AJAP1: variants seen among roughly 807,000 people sequenced by gnomAD.
AJAP1 encodes adherens junctions associated protein 1.
A neutral mutation model predicts 35.0 loss-of-function variants in AJAP1; 5 were observed. The observed-to-expected ratio is 0.14, with a 90% CI of 0.07 to 0.30. The LOEUF (loss-of-function observed/expected upper bound fraction) is 0.30, where lower values mean the gene tolerates loss of function less well. AJAP1 is among the 10% of genes least tolerant of loss of function. The pLI is 1.00. For synonymous variants in AJAP1, 284 were observed against 249.3 expected (o/e 1.14, Z -1.31); for missense variants, 586 against 571.0 (o/e 1.03, Z -0.27).
chr1:4,765,558 A>G (rs1294344322), intron 2 of AJAP1, among the ~76,000 whole-genome samples: 3 of 150,804 alleles, frequency 2.0e-5, no homozygotes, highest in Non-Finnish European at 4.4e-5. Context: ...CCATTTGCAT[A>G]GTGTGGGAAA....
At chr1:4,777,327 C>T (rs1375204005) in intron 5 of AJAP1, 1 of 152,250 alleles carries the variant, frequency 6.6e-6, no homozygotes, top group Non-Finnish European at 1.5e-5. Context: ...TGTTACCACA[C>T]CATTGTCTTT....
At chr1:4,758,392 A>G (rs545912925) in intron 2 of AJAP1, among the ~76,000 whole-genome samples, 14 of 152,312 alleles carry the variant, frequency 9.2e-5, no homozygotes, top group African/African-American at 3.1e-4. Context: ...AAGAGGTTTC[A>G]TCAACTCACA....
At chr1:4,669,189 A>C (rs1419475499) in intron 1 of AJAP1, among the ~76,000 whole-genome samples, 1 of 152,240 alleles carries the variant, frequency 6.6e-6, no homozygotes, top group Non-Finnish European at 1.5e-5. Context: ...CCTAAAAGGA[A>C]ACTCCATGTC....
At chr1:4,773,856 TG>T (rs1257130057) in intron 4 of AJAP1, among the ~76,000 whole-genome samples, 1 of 151,776 alleles carries the variant, frequency 6.6e-6, no homozygotes, top group Non-Finnish European at 1.5e-5. Context: ...GGAGGTGGGG[TG>T]GGGGGCTGTC....
intron 1 of AJAP1, among the ~76,000 whole-genome samples, chr1:4,701,341 T>A (rs1018854508): frequency 1.3e-5 from 2 of 152,108 alleles, no homozygotes; most frequent in Non-Finnish European, 2.9e-5. Flanking sequence ...GTTACACGGG[T>A]TAGTTTTGCT....
At chr1:4,675,337 C>T (rs934658978) in intron 1 of AJAP1, among the ~76,000 whole-genome samples, 19 of 152,226 alleles carry the variant, frequency 1.2e-4, no homozygotes, top group Non-Finnish European at 1.6e-4. Flanking sequence ...GGAAGACACG[C>T]GTGGGGCAGA....
chr1:4,732,612 C>T (rs1036172391), intron 2 of AJAP1, among the ~76,000 whole-genome samples: 2 of 152,254 alleles, frequency 1.3e-5, no homozygotes, highest in Non-Finnish European at 2.9e-5. Context: ...ATGAGAGTGT[C>T]CCTTGTGCCA....
chr1:4,775,367 T>C (rs1319869373), intron 5 of AJAP1, among the ~76,000 whole-genome samples: 1 of 152,218 alleles, frequency 6.6e-6, no homozygotes, highest in Non-Finnish European at 1.5e-5. Context: ...CTGGGCTTTC[T>C]ACGCATCCTC....
chr1:4,728,913 C>T (rs1640735875), intron 2 of AJAP1, among the ~76,000 whole-genome samples: 1 of 151,970 alleles, frequency 6.6e-6, no homozygotes, highest in Admixed American at 6.5e-5. Flanking sequence ...GGGAGCTCTC[C>T]GGGGCTCCAT....
At chr1:4,772,224 G>A in intron 3 of AJAP1, 56 bp from the exon 4 acceptor site, 2 of 1,604,478 alleles carry the variant, frequency 1.2e-6, no homozygotes, top group Non-Finnish European at 8.5e-7. Context: ...CTGGAGTTGT[G>A]TTTGTGGGTT....
chr1:4,707,383 T>C (rs1042581081), intron 1 of AJAP1, among the ~76,000 whole-genome samples: 2 of 152,098 alleles, frequency 1.3e-5, no homozygotes, highest in Admixed American at 6.5e-5. Context: ...AATTCCAGAA[T>C]ATTTCGTCAC....
At chr1:4,750,004 G>T (rs1641286207) in intron 2 of AJAP1, among the ~76,000 whole-genome samples, 1 of 151,704 alleles carries the variant, frequency 6.6e-6, no homozygotes, top group African/African-American at 2.4e-5. Flanking sequence ...TCATGTCCAT[G>T]TGTTTGTGTG....
Position 4,723,544 on chromosome 1 carries a change from T to A in AJAP1, c.829+10845T>A, listed in dbSNP as rs1640574177. 6.6e-6 allele frequency among the ~76,000 whole-genome samples: 1 copy of A among 151,452 alleles called. No individual in the cohort carries two copies. On this transcript the variant is annotated intron_variant, in intron 2 of 5. Coordinates refer to ENST00000378191, the MANE Select transcript of AJAP1 (RefSeq NM_018836.4). This position sits in a 1 kb window ranked among gnomAD's most constrained non-coding sequence, Gnocchi z 4.3. ...AAGCTGTTCCCAGAGCATGGAGGGG[T>A]CCTCGTGGCGGAGCTCCCAGAGACA...
intron 2 of AJAP1, among the ~76,000 whole-genome samples, chr1:4,766,737 G>T (rs1235860573): frequency 6.6e-6 from 1 of 152,228 alleles, no homozygotes; most frequent in Non-Finnish European, 1.5e-5. Flanking sequence ...GACAGAATGT[G>T]CAGGTGTGTG....
chr1:4,712,581 C>T lies in AJAP1; in HGVS notation c.711C>T (p.Thr237=), dbSNP rs773983737. 6.2e-6 allele frequency: 10 copies of T among 1,608,754 alleles called. No individual in the cohort carries two copies. Among genetic ancestry groups the T allele is most frequent in the Admixed American group, 3.4e-5 (2 of 59,430 alleles). The stretch of plus-strand genomic sequence containing the variant: ...TGACGCTGCAGACTAAGGGGTTCAC[C>T]GAGTCCTTGGATCCCCGGAGAAGGA... The part of the protein sequence containing the change: ...TPMTLQTKGF[T]ESLDPRRRIP... Residue 237 remains threonine, a synonymous_variant, in exon 2 of 6, where the codon ACC becomes ACT. Coordinates refer to ENST00000378191, the MANE Select transcript of AJAP1 (RefSeq NM_018836.4).
chr1:4,663,346 TCCAGAAAGCAC>T (rs1639044230), intron 1 of AJAP1, among the ~76,000 whole-genome samples: 2 of 43,760 alleles, frequency 4.6e-5, no homozygotes, highest in East Asian at 6.4e-4. Flanking sequence ...GGAAAGCACC[TCCAGAAAGCAC>T]GGGTGTTGGT....
At chr1:4,658,423 C>G (rs1638930174) in intron 1 of AJAP1, among the ~76,000 whole-genome samples, 1 of 152,208 alleles carries the variant, frequency 6.6e-6, no homozygotes. Context: ...TGTAGAGTCC[C>G]CAGGCAGCTG....
intron 1 of AJAP1, among the ~76,000 whole-genome samples, chr1:4,669,497 C>T (rs1639205258): frequency 6.6e-6 from 1 of 152,116 alleles, no homozygotes; most frequent in African/African-American, 2.4e-5. Context: ...ATTCCAGGCG[C>T]TTATAAAACC....
At chr1:4,781,032 C>G (rs1385542412) in intron 5 of AJAP1, among the ~76,000 whole-genome samples, 1 of 152,146 alleles carries the variant, frequency 6.6e-6, no homozygotes, top group Non-Finnish European at 1.5e-5. Flanking sequence ...AAAGATCCAG[C>G]CCCTCACCTC....
Sources: allele counts gnomAD v4.1 joint callset (sites outside exome capture counted in the v4.1 genomes callset), GRCh38; gene constraint gnomAD v4.1.1; non-coding constraint Gnocchi (gnomAD v3.1); transcripts MANE v1.5; gene names NCBI Gene and HGNC (gene_info 2026-07-23, HGNC 2026-07-21).